Variants in AFG2A observed in about 807,000 individuals in gnomAD.
AFG2A encodes AAA ATPase AFG2A.
the AFG2A span, among the ~76,000 whole-genome samples, chr4:122,955,261 G>A: frequency 5.3e-5 from 8 of 152,212 alleles, no homozygotes; most frequent in South Asian, 2.1e-4. Flanking sequence ...CAGCCTTCAC[G>A]TGGCAACCCT....
At chr4:123,306,687 C>G in the AFG2A span, among the ~76,000 whole-genome samples, 1 of 152,052 alleles carries the variant, frequency 6.6e-6, no homozygotes, top group African/African-American at 2.4e-5. Context: ...TCCCAAGTAG[C>G]TGGGATTACA....
the AFG2A span, among the ~76,000 whole-genome samples, chr4:123,222,569 A>T: frequency 3.9e-5 from 6 of 152,012 alleles, no homozygotes; most frequent in South Asian, 2.1e-4. Flanking sequence ...ACCTTTAAAA[A>T]TTTTTTTTCA....
the AFG2A span, among the ~76,000 whole-genome samples, chr4:123,227,832 T>C: frequency 2.6e-5 from 4 of 152,044 alleles, no homozygotes; most frequent in Admixed American, 6.6e-5. Context: ...CCCATTATTA[T>C]TGTGTGGGAG....
chr4:123,228,093 G>A, the AFG2A span, among the ~76,000 whole-genome samples: 22 of 152,008 alleles, frequency 1.4e-4, 1 homozygote, highest in Non-Finnish European at 2.8e-4. Flanking sequence ...TTTGTTTTGA[G>A]CCTATGTGTG....
At chr4:123,105,840 T>C in the AFG2A span, among the ~76,000 whole-genome samples, 1 of 152,228 alleles carries the variant, frequency 6.6e-6, no homozygotes, top group Non-Finnish European at 1.5e-5. Context: ...AAGTGATTTC[T>C]TGAGATGGAA....
At chr4:123,028,112 T>C in the AFG2A span, 445,059 of 1,210,822 alleles carry the variant, frequency 0.37, 86,335 homozygotes, top group South Asian at 0.6. Flanking sequence ...CTGTTAATGA[T>C]ATGTTTTTTA....
At chr4:123,007,643 A>AC in the AFG2A span, among the ~76,000 whole-genome samples, 4 of 7,928 alleles carry the variant, frequency 5.0e-4, no homozygotes, top group South Asian at 6.4e-3. Context: ...CACACACACA[A>AC]CACACACACA....
chr4:123,294,989 A>G, the AFG2A span, among the ~76,000 whole-genome samples: 1 of 152,176 alleles, frequency 6.6e-6, no homozygotes, highest in Non-Finnish European at 1.5e-5. Flanking sequence ...TAATTTTCCT[A>G]TTATCACTTC....
the AFG2A span, among the ~76,000 whole-genome samples, chr4:123,259,529 TC>T: frequency 6.6e-6 from 1 of 152,208 alleles, no homozygotes; most frequent in African/African-American, 2.4e-5. Flanking sequence ...TGTCCTGGCT[TC>T]TTGACTGTAG....
the AFG2A span, among the ~76,000 whole-genome samples, chr4:122,946,811 C>T: frequency 3.3e-5 from 5 of 152,030 alleles, no homozygotes; most frequent in African/African-American, 1.2e-4. Flanking sequence ...GAATCTTGTT[C>T]TATTTGAGTA....
the AFG2A span, among the ~76,000 whole-genome samples, chr4:123,036,146 A>G: frequency 1.3e-5 from 2 of 152,204 alleles, no homozygotes; most frequent in East Asian, 3.8e-4. Context: ...TGCATAGTAA[A>G]CAAAGATATA....
chr4:123,137,141 T>C, the AFG2A span, among the ~76,000 whole-genome samples: 2 of 152,192 alleles, frequency 1.3e-5, no homozygotes, highest in Non-Finnish European at 2.9e-5. Flanking sequence ...GCAGTAATGC[T>C]TGCTTGCTTG....
chr4:123,096,221 T>C, the AFG2A span, among the ~76,000 whole-genome samples: 1 of 147,768 alleles, frequency 6.8e-6, no homozygotes, highest in Non-Finnish European at 1.5e-5. Flanking sequence ...TGAAGTTGAG[T>C]CCTCTAGTGT....
chr4:122,949,050 A>C, the AFG2A span, among the ~76,000 whole-genome samples: 2 of 152,338 alleles, frequency 1.3e-5, no homozygotes, highest in South Asian at 4.1e-4. Flanking sequence ...ATAGGGTTTT[A>C]AGACTTAGAT....
At chr4:123,180,887 G>C in the AFG2A span, among the ~76,000 whole-genome samples, 1 of 151,732 alleles carries the variant, frequency 6.6e-6, no homozygotes, top group Non-Finnish European at 1.5e-5. Flanking sequence ...TAAAGGTCTG[G>C]GTAGTAAATA....
At chr4:123,242,059 C>G in the AFG2A span, among the ~76,000 whole-genome samples, 18 of 152,060 alleles carry the variant, frequency 1.2e-4, no homozygotes, top group Non-Finnish European at 1.9e-4. Flanking sequence ...ACCTAGGAAT[C>G]CAACTTACAA....
chr4:122,965,998 T>G, the AFG2A span, among the ~76,000 whole-genome samples: 1 of 152,202 alleles, frequency 6.6e-6, no homozygotes, highest in Non-Finnish European at 1.5e-5. Flanking sequence ...TTTAAAGTTG[T>G]GCCTGAGCTA....
At chr4:123,109,372 G>A in the AFG2A span, among the ~76,000 whole-genome samples, 1 of 152,076 alleles carries the variant, frequency 6.6e-6, no homozygotes, top group Non-Finnish European at 1.5e-5. Context: ...TTTTTCTCTT[G>A]TGAGTGCTTT....
chr4:123,122,476 T>C, the AFG2A span, among the ~76,000 whole-genome samples: 1 of 152,206 alleles, frequency 6.6e-6, no homozygotes, highest in African/African-American at 2.4e-5. Flanking sequence ...TTGAATACTG[T>C]ACTGAAAGTG....
Sources: allele counts gnomAD v4.1 joint callset (sites outside exome capture counted in the v4.1 genomes callset), GRCh38; gene constraint gnomAD v4.1.1; transcripts MANE v1.5; gene names NCBI Gene and HGNC (gene_info 2026-07-23, HGNC 2026-07-21).